TBC1D16: variants seen among roughly 807,000 people sequenced by gnomAD.
The protein encoded by TBC1D16 is TBC1 domain family member 16.
Under a neutral mutation model 74.7 loss-of-function variants are expected in TBC1D16, and 58 were observed. The observed-to-expected ratio is 0.78, with a 90% CI of 0.63 to 0.97. The LOEUF is 0.97. TBC1D16 is among the 50% of genes least tolerant of loss of function. The pLI, the probability that TBC1D16 is intolerant of heterozygous loss-of-function variation, is 0.00. For missense variants in TBC1D16, 1,014 were observed against 1,079.5 expected (o/e 0.94, Z 0.85); for synonymous variants, 493 against 474.7 (o/e 1.04, Z -0.50).
chr17:79,949,093 C>T, intron 7 of TBC1D16, 87 bp from the exon 8 acceptor site: 2 of 1,562,114 alleles, frequency 1.3e-6, no homozygotes, highest in Non-Finnish European at 1.7e-6. Flanking sequence ...GCCACCCTTC[C>T]TCCCAACCCC....
At chr17:80,022,323 C>T (rs777959936) in intron 1 of TBC1D16, among the ~76,000 whole-genome samples, 4 of 149,466 alleles carry the variant, frequency 2.7e-5, no homozygotes, top group South Asian at 2.1e-4. Context: ...AAAGCTGGGA[C>T]GTTTATTTTT....
At position 79,950,777 on chromosome 17, in the gene TBC1D16, C is replaced by T; in HGVS notation, c.1090-199G>A. 1 of 1,536,212 alleles carries T rather than the reference C, an allele frequency of 6.5e-7. No individual in the cohort carries two copies. The highest frequency in any genetic ancestry group is 8.7e-7 in the Non-Finnish European group (1 of 1,146,890). On this transcript the variant is annotated intron_variant, in intron 5 of 11. Coordinates refer to ENST00000310924, the MANE Select transcript of TBC1D16 (RefSeq NM_019020.4). This position sits in a 1 kb window ranked among gnomAD's most constrained non-coding sequence, Gnocchi z 4.6. Reference sequence around the variant, plus strand: ...ATACCTTCATCTTAAAATCGGTTTCCCTCTGCGGCTCTCTCCTCCCCGGCC... The same window carrying T: ...ATACCTTCATCTTAAAATCGGTTTCTCTCTGCGGCTCTCTCCTCCCCGGCC...
Position 79,947,788 on chromosome 17 carries a change from A to C in TBC1D16, c.1585T>G (p.Tyr529Asp). 1 of 1,613,822 alleles carries C rather than the reference A, an allele frequency of 6.2e-7. No individual in the cohort carries two copies. The highest frequency in any genetic ancestry group is 8.5e-7 in the Non-Finnish European group (1 of 1,180,032). ...ACCAGGTCCGACATCCCTTGGGAAT[A>C]GCCGACGGCAGGGTTGTACACGGCG... ...NYAVYNPAVGYSQGMSDLVAP... is the reference protein window; with the variant it reads ...NYAVYNPAVGDSQGMSDLVAP... The change falls in exon 9 of 12, where the codon TAT becomes GAT. Residue 529 changes from tyrosine (Y) to aspartate (D), a missense_variant. Physicochemically the swap from Tyr to Asp is radical, Grantham distance 160. Transcript: ENST00000310924.
At chr17:80,014,083 G>A (rs560124575) in intron 1 of TBC1D16, among the ~76,000 whole-genome samples, 7 of 152,282 alleles carry the variant, frequency 4.6e-5, no homozygotes, top group South Asian at 2.1e-4. Context: ...CAGGCAAGGC[G>A]CACTGGCTCA....
At chr17:80,023,938 A>C (rs1198425027) in intron 1 of TBC1D16, 2 of 150,380 alleles carry the variant, frequency 1.3e-5, no homozygotes, top group African/African-American at 2.5e-5. Flanking sequence ...TCCTGTCAGA[A>C]GAGCGGGAGG....
chr17:79,969,367 C>A (rs2033979507), intron 3 of TBC1D16, among the ~76,000 whole-genome samples: 1 of 152,158 alleles, frequency 6.6e-6, no homozygotes, highest in Non-Finnish European at 1.5e-5. Flanking sequence ...GCCTGGGCAA[C>A]AGAGTGAGAC....
At chr17:80,024,433 CAT>C (rs1410324150) in intron 1 of TBC1D16, among the ~76,000 whole-genome samples, 154 of 5,484 alleles carry the variant, frequency 0.028, no homozygotes, top group Middle Eastern at 0.083. Context: ...ACACACTACA[CAT>C]CATAGACACA....
intron 1 of TBC1D16, among the ~76,000 whole-genome samples, chr17:80,022,790 TTACACCTGGCTAA>T (rs2036330232): frequency 6.7e-6 from 1 of 148,904 alleles, no homozygotes; most frequent in Non-Finnish European, 1.5e-5. Context: ...GCACCTGCCA[TTACACCTGGCTAA>T]TTTTTGTATT....
intron 3 of TBC1D16, among the ~76,000 whole-genome samples, chr17:79,978,959 C>T (rs2034455572): frequency 6.6e-6 from 1 of 152,204 alleles, no homozygotes; most frequent in Admixed American, 6.5e-5. Context: ...CTCTCGACTT[C>T]GTCCTTGAAA....
intron 3 of TBC1D16, among the ~76,000 whole-genome samples, chr17:79,978,392 A>G (rs1375810627): frequency 6.6e-6 from 1 of 151,504 alleles, no homozygotes; most frequent in Non-Finnish European, 1.5e-5. Context: ...GTTGATTACC[A>G]GCACGGTTTA....
chr17:80,024,563 C>CCACAAACCATA (rs1568648663), intron 1 of TBC1D16, among the ~76,000 whole-genome samples: 1 of 59,228 alleles, frequency 1.7e-5, no homozygotes, highest in East Asian at 4.7e-4. Context: ...ACACCACACA[C>CCACAAACCATA]GACACACCAT....
In TBC1D16 at chr17:79,950,386, C is replaced by T. The variant is rs960954926; in HGVS notation, c.1257+25G>A. 1.3e-6 allele frequency: 2 copies of T among 1,578,946 alleles called. No individual in the cohort carries two copies. Among genetic ancestry groups the T allele is most frequent in the Non-Finnish European group, 1.7e-6 (2 of 1,162,970 alleles). The stretch of plus-strand genomic sequence containing the variant: ...GGTTCCCGGCCGGCTCTCCGCGGGG[C>T]CAGCTGGGCGGACCCGGACCTCACC... On this transcript the variant is annotated intron_variant, in intron 6 of 11. Coordinates refer to ENST00000310924, the MANE Select transcript of TBC1D16 (RefSeq NM_019020.4). The surrounding 1 kb of genome is among the most constrained non-coding windows in gnomAD (Gnocchi z 4.6).
rs189223093 is a variant in TBC1D16 at position 79,978,163 on chromosome 17, G to A, written c.780-25345C>T. Reference sequence around the variant, plus strand: ...AGACAGCCTGGCTTTTCCAGCCAGAGGGACTGGGAGCAGCAAGGCCGGAAA... The same window carrying A: ...AGACAGCCTGGCTTTTCCAGCCAGAAGGACTGGGAGCAGCAAGGCCGGAAA... On this transcript the variant is annotated intron_variant, in intron 3 of 11. Transcript: ENST00000310924. 5.4e-4 allele frequency among the ~76,000 whole-genome samples: 82 copies of A among 152,338 alleles called. No individual in the cohort carries two copies. The East Asian group carries it at 8.1e-3, about 15-fold the overall frequency.
At position 79,979,913 on chromosome 17, in the gene TBC1D16, G is replaced by A. The variant is rs2034506219; in HGVS notation, c.780-27095C>T. 6.6e-6 allele frequency among the ~76,000 whole-genome samples: 1 copy of A among 152,064 alleles called. No individual in the cohort carries two copies. Among genetic ancestry groups the A allele is most frequent in the Admixed American group, 6.5e-5 (1 of 15,276 alleles). On this transcript the variant is annotated intron_variant, in intron 3 of 11. Transcript: ENST00000310924. The surrounding 1 kb of genome is among the most constrained non-coding windows in gnomAD (Gnocchi z 4.8). ...GTGGGCTCTGCGGGCCAGAGCTTGG[G>A]GCGCAGGAGGCCAAGGTCCAGGTCC... is the stretch of plus-strand genomic sequence containing the variant.
At chr17:79,951,264 C>T (rs1487643718) in intron 5 of TBC1D16, among the ~76,000 whole-genome samples, 186 bp downstream of exon 5, 2 of 152,280 alleles carry the variant, frequency 1.3e-5, no homozygotes, top group South Asian at 2.1e-4. Context: ...CTGACTTTAC[C>T]GAAAGCCCTG....
rs114078590 is a variant in TBC1D16, at chr17:79,960,196, T to C, written c.780-7378A>G. On this transcript the variant is annotated intron_variant, in intron 3 of 11. Coordinates refer to ENST00000310924, the MANE Select transcript of TBC1D16 (RefSeq NM_019020.4). ...TGCTTATATGATAAAGGGCTTATCATATAAGTCAGTAATATGCTTTAAATC... is the reference window on the plus strand; with the variant it reads ...TGCTTATATGATAAAGGGCTTATCACATAAGTCAGTAATATGCTTTAAATC... 7.3e-3 allele frequency among the ~76,000 whole-genome samples: 1,108 copies of C among 152,264 alleles called. 11 individuals are homozygous for C. Among genetic ancestry groups the C allele is most frequent in the African/African-American group, 0.026 (1,075 of 41,544 alleles).
chr17:80,003,593 T>C (rs1273940357), intron 3 of TBC1D16, among the ~76,000 whole-genome samples: 1 of 152,166 alleles, frequency 6.6e-6, no homozygotes, highest in East Asian at 1.9e-4. Flanking sequence ...ACATTGGTTT[T>C]CATTCTAAGC....
chr17:79,977,161 C>T (rs1390488960), intron 3 of TBC1D16, among the ~76,000 whole-genome samples: 4 of 152,204 alleles, frequency 2.6e-5, no homozygotes, highest in Admixed American at 2.0e-4. Context: ...CCCAACGAGG[C>T]GAACCCCAGC....
intron 1 of TBC1D16, among the ~76,000 whole-genome samples, chr17:80,018,218 T>TCTATAGGAAGGACTCAG (rs1568642196): frequency 3.6e-5 from 5 of 138,254 alleles, no homozygotes; most frequent in African/African-American, 1.7e-4. Context: ...TAATAATTTT[T>TCTATAGGAAGGACTCAG]AGCATAATAT....
Sources: allele counts gnomAD v4.1 joint callset (sites outside exome capture counted in the v4.1 genomes callset), GRCh38; gene constraint gnomAD v4.1.1; non-coding constraint Gnocchi (gnomAD v3.1); transcripts MANE v1.5; gene names NCBI Gene and HGNC (gene_info 2026-07-23, HGNC 2026-07-21).